The following ZNF189 variants were observed in gnomAD, a reference collection of about 807,000 sequenced individuals.
The protein encoded by ZNF189 is zinc finger protein 189.
Under a neutral mutation model 53.5 loss-of-function variants are expected in ZNF189, and 33 were observed. The observed-to-expected ratio is 0.62, with a 90% CI of 0.47 to 0.82. The LOEUF (loss-of-function observed/expected upper bound fraction) is 0.82. Ranked by LOEUF, ZNF189 falls within the 40% of genes least tolerant of loss-of-function variation. The probability of loss-of-function intolerance (pLI) is 0.00; values close to 1 mark genes in which losing one functional copy is unlikely to be tolerated. For missense variants in ZNF189, 711 were observed against 753.9 expected, an observed-to-expected ratio of 0.94 and a Z score of 0.67; for synonymous variants, 247 against 238.8, an observed-to-expected ratio of 1.03 and a Z score of -0.32.
chr9:101,403,098 A>ATGTGTGTGTGTGTGTG (rs3983733), intron 2 of ZNF189, among the ~76,000 whole-genome samples: 28 of 148,678 alleles, frequency 1.9e-4, no homozygotes, highest in African/African-American at 5.5e-4. Context: ...AGCTGCTGAT[A>ATGTGTGTGTGTGTGTG]TGTGTGTGTG....
Position 101,399,877 on chromosome 9 carries a change from A to T in ZNF189, c.34-7A>T. 6.2e-7 allele frequency: 1 copy of T among 1,614,058 alleles called. No homozygotes were observed. Among genetic ancestry groups the T allele is most frequent in the Non-Finnish European group, 8.5e-7 (1 of 1,179,982 alleles). ...AGGAACTGACTACAGAAATCATACT[A>T]TTTCAGGGGTTGCTGACATTTGAGG... On this transcript the variant is annotated splice_polypyrimidine_tract_variant and splice_region_variant and intron_variant, in intron 1 of 2. Transcript: ENST00000339664.
chr9:101,403,103 T>TGTGTG (rs1251819934), intron 2 of ZNF189, among the ~76,000 whole-genome samples: 5 of 151,588 alleles, frequency 3.3e-5, no homozygotes, highest in Admixed American at 2.0e-4. Flanking sequence ...CTGATATGTG[T>TGTGTG]GTGTGTGTGT....
At chr9:101,399,433 T>C (rs1367060941) in intron 1 of ZNF189, 7 of 1,356,564 alleles carry the variant, frequency 5.2e-6, no homozygotes, top group Admixed American at 3.6e-5. Flanking sequence ...TAAGTAATGC[T>C]CCAGACTAGC....
chr9:101,409,003 G>A lies in ZNF189; in HGVS notation c.1235G>A (p.Ser412Asn). 1 of 1,613,994 alleles carries A rather than the reference G, an allele frequency of 6.2e-7. No individual in the cohort carries two copies. Among genetic ancestry groups the A allele is most frequent in the Non-Finnish European group, 8.5e-7 (1 of 1,179,996 alleles). The change falls in exon 3 of 3, where the codon AGC (serine) becomes AAC (asparagine). Residue 412 changes from serine to asparagine, a missense_variant. Ser to Asn is a conservative substitution (Grantham distance 46). Transcript: ENST00000339664. ...CEECGKAFSRSSGLIQHQRIH... is the reference protein window; with the variant it reads ...CEECGKAFSRNSGLIQHQRIH... ...GAATGTGGAAAAGCCTTTAGTAGAA[G>A]CTCAGGTCTTATTCAGCATCAGAGA...
chr9:101,406,422 A>G (rs1830711758), intron 2 of ZNF189, among the ~76,000 whole-genome samples: 1 of 152,200 alleles, frequency 6.6e-6, no homozygotes, highest in Admixed American at 6.5e-5. Flanking sequence ...TTGCATAAGA[A>G]TCAGATATAT....
Position 101,406,055 on chromosome 9 carries a change from C to CAAA in ZNF189, c.161-1860_161-1858dup, listed in dbSNP as rs5899441. ...GGGCAATAAGAGTGAAACTCTGTCT[C>CAAA]AAAAAAAAAAAAAAAATGCCCGTTT... is the stretch of plus-strand genomic sequence containing the variant. On this transcript the variant is annotated intron_variant, in intron 2 of 2. Coordinates refer to ENST00000339664, the MANE Select transcript of ZNF189 (RefSeq NM_003452.4). Among the ~76,000 whole-genome samples the CAAA allele has an allele frequency of 2.5e-4, 31 of 125,044 alleles. No homozygotes were observed. In the South Asian group the frequency reaches 2.7e-3, roughly 11 times the overall value. The allele number at this position is 125,044 out of a possible 152,430, so 82.0% of individuals were successfully genotyped here.
intron 2 of ZNF189, among the ~76,000 whole-genome samples, chr9:101,407,210 T>G (rs960646587): frequency 1.3e-5 from 2 of 152,166 alleles, no homozygotes; most frequent in African/African-American, 4.8e-5. Context: ...TTTCCCCATT[T>G]TTTACTTAAC....
In ZNF189 at chr9:101,407,953, A is replaced by G. The variant is rs868644878; in HGVS notation, c.185A>G (p.Glu62Gly). ...GATGTTTTGAACAGAGATAAGGATG[A>G]GGAGCCAACTGTAAAACAAGAGATT... is the stretch of plus-strand genomic sequence containing the variant. ...SLDVLNRDKDEEPTVKQEIEE... is the reference protein window; with the variant it reads ...SLDVLNRDKDGEPTVKQEIEE... Residue 62 changes from glutamate (E) to glycine (G), a missense_variant, in exon 3 of 3, where the codon GAG becomes GGG. Physicochemically the swap from Glu to Gly is moderately conservative, Grantham distance 98. Coordinates refer to ENST00000339664, the MANE Select transcript of ZNF189 (RefSeq NM_003452.4). 1 of 1,585,272 alleles carries G rather than the reference A, an allele frequency of 6.3e-7. No individual in the cohort carries two copies. The highest frequency in any genetic ancestry group is 1.2e-5 in the South Asian group (1 of 85,384).
intron 1 of ZNF189, chr9:101,399,585 CA>C: frequency 7.7e-7 from 1 of 1,292,366 alleles, no homozygotes; most frequent in Non-Finnish European, 9.8e-7. Flanking sequence ...CAAGCCAGTG[CA>C]AATGGAAAAT....
At chr9:101,405,773 G>A (rs1200892624) in intron 2 of ZNF189, among the ~76,000 whole-genome samples, 1 of 152,026 alleles carries the variant, frequency 6.6e-6, no homozygotes, top group Admixed American at 6.6e-5. Flanking sequence ...ATAACATAAG[G>A]ACTGAAACAT....
chr9:101,407,264 T>C (rs2118249010), intron 2 of ZNF189: 1 of 396,018 alleles, frequency 2.5e-6, no homozygotes, highest in East Asian at 3.6e-5. Flanking sequence ...TATCTCTGAA[T>C]CCTGGCTGAT....
rs1275306303 is a variant in ZNF189 at position 101,408,364 on chromosome 9, C to G, written c.596C>G (p.Thr199Ser). Residue 199 changes from threonine to serine, a missense_variant, in exon 3 of 3, where the codon ACT becomes AGT. Coordinates refer to ENST00000339664, the MANE Select transcript of ZNF189 (RefSeq NM_003452.4). ...GTTATTGAACATCAGAGAATTCACACTGGGGAAAGGCCCTATGAGTGTAAT... is the reference window on the plus strand; with the variant it reads ...GTTATTGAACATCAGAGAATTCACAGTGGGGAAAGGCCCTATGAGTGTAAT... ...SFVIEHQRIH[T>S]GERPYECNYC... 2.2e-5 allele frequency: 35 copies of G among 1,614,126 alleles called. No individual in the cohort carries two copies. The highest frequency in any genetic ancestry group is 2.9e-5 in the Non-Finnish European group (34 of 1,180,024).
intron 2 of ZNF189, among the ~76,000 whole-genome samples, chr9:101,403,210 G>A (rs1460418214): frequency 6.6e-6 from 1 of 151,864 alleles, no homozygotes; most frequent in African/African-American, 2.4e-5. Flanking sequence ...TAAGTGCCTG[G>A]CCCTGCCTTC....
In ZNF189 at chr9:101,407,682, A is replaced by G. The variant is rs1239236374; in HGVS notation, c.161-247A>G. The G allele has an allele frequency of 1.1e-4, 51 of 459,938 alleles. 1 individual carries two copies. The South Asian group carries it at 1.3e-3, about 12-fold the overall frequency. 28.5% of individuals were successfully genotyped at this position (459,938 alleles called of 1,614,324 possible). On this transcript the variant is annotated intron_variant, in intron 2 of 2. Transcript: ENST00000339664. ...AATGCTGGGATTACAGGCATGAGCC[A>G]CTATGCCTGGCCATTAGCATCTGGT...
chr9:101,403,096 A>ATGTGTGTGTG (rs1362412279), intron 2 of ZNF189, among the ~76,000 whole-genome samples: 2 of 91,180 alleles, frequency 2.2e-5, no homozygotes, highest in Non-Finnish European at 4.4e-5. Flanking sequence ...TCAGCTGCTG[A>ATGTGTGTGTG]TATGTGTGTG....
At chr9:101,406,462 A>T (rs1022512850) in intron 2 of ZNF189, among the ~76,000 whole-genome samples, 4 of 152,224 alleles carry the variant, frequency 2.6e-5, no homozygotes, top group African/African-American at 9.6e-5. Flanking sequence ...ATAATTTTAT[A>T]GGTAGAGGAC....
rs200753298 is a variant in ZNF189 at position 101,409,471 on chromosome 9, A to G, written c.1703A>G (p.Tyr568Cys). 4.1e-5 allele frequency: 66 copies of G among 1,614,180 alleles called. No homozygotes were observed. Among genetic ancestry groups the G allele is most frequent in the Middle Eastern group, 3.3e-4 (2 of 6,062 alleles). ...HQRIHTGEKP[Y>C]KCEKCDKSFS... ...AGAATACACACAGGAGAGAAACCTT[A>G]TAAGTGTGAGAAGTGCGACAAAAGT... The change falls in exon 3 of 3, where the codon TAT (tyrosine) becomes TGT (cysteine). Residue 568 changes from tyrosine to cysteine, a missense_variant. Physicochemically the swap from Tyr to Cys is radical, Grantham distance 194. Transcript: ENST00000339664.
chr9:101,407,918 T>C lies in ZNF189; in HGVS notation c.161-11T>C, dbSNP rs770372184. The C allele has an allele frequency of 5.3e-5, 80 of 1,515,554 alleles. No homozygotes were observed. Among genetic ancestry groups the C allele is most frequent in the South Asian group, 3.8e-4 (28 of 73,774 alleles). The allele number at this position is 1,515,554 out of a possible 1,614,324, so 93.9% of individuals were successfully genotyped here. A position where few individuals can be genotyped will look rare whatever the true frequency, so the allele number is the denominator to read the frequency against. The stretch of plus-strand genomic sequence containing the variant: ...TTGGTTGATCTTTGTATTTCCTTTT[T>C]ATTATTCCAGATGTTTTGAACAGAG... On this transcript the variant is annotated splice_polypyrimidine_tract_variant and intron_variant, in intron 2 of 2. Coordinates refer to ENST00000339664, the MANE Select transcript of ZNF189 (RefSeq NM_003452.4).
intron 2 of ZNF189, among the ~76,000 whole-genome samples, chr9:101,406,160 T>C (rs1489892888): frequency 6.6e-6 from 1 of 152,156 alleles, no homozygotes; most frequent in African/African-American, 2.4e-5. Context: ...CGCCACAGGT[T>C]GCAGAATAGA....
Sources: allele counts gnomAD v4.1 joint callset (sites outside exome capture counted in the v4.1 genomes callset), GRCh38; gene constraint gnomAD v4.1.1; transcripts MANE v1.5; gene names NCBI Gene and HGNC (gene_info 2026-07-23, HGNC 2026-07-21).